TMEM114: variants seen among roughly 807,000 people sequenced by gnomAD.
The protein encoded by TMEM114 is claudin-26.
A neutral mutation model predicts 6.2 loss-of-function variants in TMEM114; 6 were observed. The observed-to-expected ratio is 0.97, with a 90% CI of 0.53 to 1.91. TMEM114 has a LOEUF of 1.91. Among genes scored for constraint, TMEM114 ranks in the 40% most tolerant of loss-of-function variants. The probability of loss-of-function intolerance (pLI) is 0.01; values close to 1 mark genes in which losing one functional copy is unlikely to be tolerated. For missense variants in TMEM114, 218 were observed against 158.3 expected, an observed-to-expected ratio of 1.38 and a Z score of -2.02; for synonymous variants, 104 against 73.0, an observed-to-expected ratio of 1.42 and a Z score of -2.16.
At chr16:8,570,375 G>C (rs1901693033) in intron 3 of TMEM114, among the ~76,000 whole-genome samples, 1 of 152,086 alleles carries the variant, frequency 6.6e-6, no homozygotes. Context: ...GAGTGCAGCG[G>C]TGCGATCTCA....
At chr16:8,533,273 A>G (rs1423323689), downstream of TMEM114, among the ~76,000 whole-genome samples, 1 of 152,238 alleles carries the variant, frequency 6.6e-6, no homozygotes, top group East Asian at 1.9e-4. Flanking sequence ...GACATTTGAT[A>G]GAACATCTGA....
At chr16:8,553,943 A>G (rs1198631009) in intron 2 of TMEM114, among the ~76,000 whole-genome samples, 4 of 151,496 alleles carry the variant, frequency 2.6e-5, no homozygotes, top group Non-Finnish European at 2.9e-5. Context: ...CAGTGGTGCA[A>G]TCTCAGCTCA....
intron 2 of TMEM114, among the ~76,000 whole-genome samples, chr16:8,540,432 C>T (rs1224797742): frequency 6.6e-6 from 1 of 152,082 alleles, no homozygotes; most frequent in Non-Finnish European, 1.5e-5. Context: ...TTGAATTCAT[C>T]AGATTGTCAT....
chr16:8,541,719 A>G (rs1900520095), intron 2 of TMEM114, among the ~76,000 whole-genome samples: 1 of 152,236 alleles, frequency 6.6e-6, no homozygotes, highest in Non-Finnish European at 1.5e-5. Flanking sequence ...CATATTCTCC[A>G]TCAATAAATC....
At chr16:8,527,618 C>T in the TMEM114 span, among the ~76,000 whole-genome samples, 1 of 152,068 alleles carries the variant, frequency 6.6e-6, no homozygotes, top group Non-Finnish European at 1.5e-5. Flanking sequence ...TGTACTAAGC[C>T]CCTTTCTTGT....
At chr16:8,528,264 G>A in the TMEM114 span, among the ~76,000 whole-genome samples, 11 of 151,096 alleles carry the variant, frequency 7.3e-5, no homozygotes, top group East Asian at 5.9e-4. Flanking sequence ...ACACACACAC[G>A]CACACACTCT....
rs1410656243 is a variant in TMEM114 at position 8,562,911 on chromosome 16, A to C, written n.213-25085T>G. Among the ~76,000 whole-genome samples, 14 of 37,474 alleles carry C rather than the reference A, an allele frequency of 3.7e-4. No individual in the cohort carries two copies. The Admixed American group carries it at 4.0e-3, about 11-fold the overall frequency. 24.6% of individuals were successfully genotyped at this position (37,474 alleles called of 152,430 possible). On this transcript the variant is annotated intron_variant and non_coding_transcript_variant, in intron 2 of 2. Coordinates refer to the TMEM114 transcript ENST00000623677. ...GAGGGAATGAGTGAATGAGTGAGTG[A>C]ATGAGTAAATGAGTGAGTGAGTGAA...
At position 8,539,231 on chromosome 16, in the gene TMEM114, G is replaced by T. The variant is rs1276068616; in HGVS notation, n.213-1405C>A. On this transcript the variant is annotated intron_variant and non_coding_transcript_variant, in intron 2 of 2. Coordinates refer to the TMEM114 transcript ENST00000623677. ...GATCCCTGGGCCAACTGCCCTCAGG[G>T]TGCTTCCAGCTGATATAATCTTGAA... 2.1e-4 allele frequency among the ~76,000 whole-genome samples: 32 copies of T among 152,208 alleles called. 1 individual carries two copies. The highest frequency in any genetic ancestry group is 5.9e-5 in the Non-Finnish European group (4 of 68,016).
At chr16:8,543,440 ACTTGCGTCATGCAATGGTGCAC>A (rs58465368) in intron 2 of TMEM114, among the ~76,000 whole-genome samples, 45,972 of 151,172 alleles carry the variant, frequency 0.3, 7,249 homozygotes, top group East Asian at 0.38. Context: ...TGACTGAGTC[ACTTGCGTCATGCAATGGTGCAC>A]CTTGCATCAT....
chr16:8,564,248 AG>A lies in TMEM114; in HGVS notation n.212+24964del, dbSNP rs1201919786. Reference sequence around the variant, plus strand: ...GAATGAGTGAGTTAGTGAATGAGTGAGTGAGTGAATGAGTGATGAAATAAGT... The same window carrying A: ...GAATGAGTGAGTTAGTGAATGAGTGATGAGTGAATGAGTGATGAAATAAGT... On this transcript the variant is annotated intron_variant and non_coding_transcript_variant, in intron 2 of 2. Coordinates refer to the TMEM114 transcript ENST00000623677. Among the ~76,000 whole-genome samples the A allele has an allele frequency of 1.4e-3, 12 of 8,430 alleles. No homozygotes were observed. In the East Asian group the frequency reaches 0.024, roughly 17 times the overall value. The allele number at this position is 8,430 out of a possible 152,430, so 5.5% of individuals were successfully genotyped here. A position where few individuals can be genotyped will look rare whatever the true frequency, so the allele number is the denominator to read the frequency against.
chr16:8,533,587 A>G (rs1900276583), downstream of TMEM114, among the ~76,000 whole-genome samples: 2 of 152,244 alleles, frequency 1.3e-5, no homozygotes, highest in South Asian at 4.1e-4. Flanking sequence ...AGCTTTAAAC[A>G]ACCAAGTGGA....
chr16:8,586,567 T>C (rs1160123829), intron 2 of TMEM114, among the ~76,000 whole-genome samples: 1 of 151,866 alleles, frequency 6.6e-6, no homozygotes, highest in African/African-American at 2.4e-5. Context: ...TGGAGTGCAG[T>C]GGTGCAATCT....
intron 2 of TMEM114, 162 bp from the exon 3 acceptor site, chr16:8,572,386 G>C: frequency 1.3e-6 from 1 of 767,322 alleles, no homozygotes; most frequent in South Asian, 1.7e-5. Flanking sequence ...TGATGACCAT[G>C]ACAACAGTGG....
chr16:8,587,516 A>G (rs1344758827), intron 2 of TMEM114, among the ~76,000 whole-genome samples: 1 of 152,208 alleles, frequency 6.6e-6, no homozygotes, highest in Non-Finnish European at 1.5e-5. Flanking sequence ...GGTGGAGGGA[A>G]CAGCATGTGC....
chr16:8,562,693 T>C, intron 2 of TMEM114, among the ~76,000 whole-genome samples: 1 of 151,414 alleles, frequency 6.6e-6, no homozygotes, highest in Non-Finnish European at 1.5e-5. Context: ...AGTGAGGGAA[T>C]GAGTGAGTGA....
intron 2 of TMEM114, among the ~76,000 whole-genome samples, chr16:8,561,173 A>G (rs1901187044): frequency 6.6e-6 from 1 of 152,240 alleles, no homozygotes; most frequent in African/African-American, 2.4e-5. Flanking sequence ...CCAAACCATA[A>G]CACTGGGTTT....
rs573175694 is a variant in TMEM114, at chr16:8,548,432, A to G, written n.213-10606T>C. 3.9e-5 allele frequency among the ~76,000 whole-genome samples: 6 copies of G among 152,280 alleles called. No individual in the cohort carries two copies. In the East Asian group the frequency reaches 9.7e-4, roughly 25 times the overall value. On this transcript the variant is annotated intron_variant and non_coding_transcript_variant, in intron 2 of 2. Transcript: ENST00000623677. ...TACTAGCCATGTACAGCATGGCTTT[A>G]CAACCTTTTATTATTATTACCTCCC... is the stretch of plus-strand genomic sequence containing the variant.
At chr16:8,536,637 T>C (rs1203304232), downstream of TMEM114, among the ~76,000 whole-genome samples, 1 of 152,194 alleles carries the variant, frequency 6.6e-6, no homozygotes, top group African/African-American at 2.4e-5. Flanking sequence ...ATGCTTATTC[T>C]TTTTCTTTTT....
At chr16:8,577,513 C>T (rs1398463102) in intron 2 of TMEM114, among the ~76,000 whole-genome samples, 2 of 152,152 alleles carry the variant, frequency 1.3e-5, no homozygotes, top group Non-Finnish European at 2.9e-5. Context: ...TATTTAAGAC[C>T]TAAGACCTCC....
Sources: allele counts gnomAD v4.1 joint callset (sites outside exome capture counted in the v4.1 genomes callset), GRCh38; gene constraint gnomAD v4.1.1; transcripts MANE v1.5; gene names NCBI Gene and HGNC (gene_info 2026-07-23, HGNC 2026-07-21).